The following PCDHA7 variants were observed in gnomAD, a reference collection of about 807,000 sequenced individuals.
The protein encoded by PCDHA7 is protocadherin alpha 7.
Under a neutral mutation model 57.2 loss-of-function variants are expected in PCDHA7, and 37 were observed. The observed-to-expected ratio is 0.65, with a 90% confidence interval of 0.50 to 0.85. The LOEUF is 0.85. PCDHA7 is among the 40% of genes least tolerant of loss of function. PCDHA7 has a pLI of 0.00. For missense variants in PCDHA7, 1,188 were observed against 1,241.8 expected, an observed-to-expected ratio of 0.96 and a Z score of 0.65; for synonymous variants, 553 against 558.8, an observed-to-expected ratio of 0.99 and a Z score of 0.15.
chr5:140,916,979 G>A (rs1280720524), intron 1 of PCDHA7, among the ~76,000 whole-genome samples: 1 of 152,144 alleles, frequency 6.6e-6, no homozygotes, highest in African/African-American at 2.4e-5. Flanking sequence ...TGAGTGATTC[G>A]CCTCTGGCCA....
chr5:140,876,723 C>A (rs782820769), intron 1 of PCDHA7: 15 of 1,614,132 alleles, frequency 9.3e-6, no homozygotes, highest in East Asian at 2.2e-5. Context: ...ACCGCGAGAG[C>A]GTGTCGGCCT....
At chr5:140,927,915 C>T (rs200890211) in intron 1 of PCDHA7, 7 of 1,614,120 alleles carry the variant, frequency 4.3e-6, no homozygotes, top group Admixed American at 3.3e-5. Context: ...CCGAACTGGA[C>T]TTCCTGACTC....
intron 1 of PCDHA7, among the ~76,000 whole-genome samples, chr5:140,845,577 T>C (rs2150380022): frequency 1.3e-5 from 2 of 149,706 alleles, no homozygotes; most frequent in East Asian, 1.9e-4. Context: ...ATTTCTGGGA[T>C]TGAAATGTGT....
chr5:140,999,985 G>T (rs1451778210), intron 3 of PCDHA7, among the ~76,000 whole-genome samples: 1 of 152,022 alleles, frequency 6.6e-6, no homozygotes, highest in African/African-American at 2.4e-5. Context: ...AGCGGCCTCT[G>T]GGTAGTGGTA....
chr5:140,906,669 A>G (rs2153496058), intron 1 of PCDHA7, among the ~76,000 whole-genome samples: 1 of 152,302 alleles, frequency 6.6e-6, no homozygotes. Context: ...GTAGTGACCC[A>G]AACCTTCATT....
chr5:140,990,956 G>T (rs1179435982), intron 3 of PCDHA7, among the ~76,000 whole-genome samples: 1 of 152,136 alleles, frequency 6.6e-6, no homozygotes, highest in Non-Finnish European at 1.5e-5. Context: ...TGTAGAAATA[G>T]TCTCTTAGAA....
chr5:140,884,515 G>GCCTCTGATAAGCACAA, intron 1 of PCDHA7: 1 of 1,614,174 alleles, frequency 6.2e-7, no homozygotes. Flanking sequence ...GGAGTTGGTC[G>GCCTCTGATAAGCACAA]TACTCGCAGC....
intron 1 of PCDHA7, chr5:140,871,073 C>A: frequency 1.2e-6 from 2 of 1,613,208 alleles, no homozygotes; most frequent in Non-Finnish European, 8.5e-7. Context: ...GGTGAGCCGG[C>A]GCTGACGGCC....
In PCDHA7 at chr5:140,928,550, C is replaced by T. The variant is rs781857799; in HGVS notation, c.2356-50399C>T. The T allele has an allele frequency of 3.7e-6, 6 of 1,614,160 alleles. No individual in the cohort carries two copies. Among genetic ancestry groups the T allele is most frequent in the South Asian group, 3.3e-5 (3 of 91,084 alleles). On this transcript the variant is annotated intron_variant, in intron 1 of 3. Transcript: ENST00000525929. ...GTGGTAGATAGGAATGACAATTATC[C>T]GGTTATCTTGTTTCCCTTGCCCAGA...
intron 1 of PCDHA7, chr5:140,843,437 G>A: frequency 6.3e-7 from 1 of 1,596,076 alleles, no homozygotes; most frequent in Non-Finnish European, 8.6e-7. Context: ...CGCCATCTGC[G>A]CGGTATCCAG....
intron 1 of PCDHA7, among the ~76,000 whole-genome samples, chr5:140,897,009 ATAC>A (rs2065839600): frequency 6.6e-6 from 1 of 152,174 alleles, no homozygotes. Flanking sequence ...ATTTTTAAAT[ATAC>A]AACTAAATTA....
intron 1 of PCDHA7, chr5:140,851,368 A>T: frequency 1.0e-6 from 1 of 976,356 alleles, no homozygotes; most frequent in Non-Finnish European, 1.2e-6. Flanking sequence ...TGAACATCTG[A>T]TTGTTCAGCA....
chr5:140,957,763 T>C (rs1375605810), intron 1 of PCDHA7, among the ~76,000 whole-genome samples: 1 of 152,100 alleles, frequency 6.6e-6, no homozygotes, highest in Non-Finnish European at 1.5e-5. Context: ...TCATTATATA[T>C]GTTAAGTAAA....
chr5:140,879,027 G>C (rs2057822967), intron 1 of PCDHA7, among the ~76,000 whole-genome samples: 1 of 152,184 alleles, frequency 6.6e-6, no homozygotes, highest in African/African-American at 2.4e-5. Context: ...TTTTATTGAA[G>C]AGTGTCTTGA....
intron 1 of PCDHA7, chr5:140,866,767 G>C (rs913136809): frequency 1.3e-5 from 2 of 152,154 alleles, no homozygotes; most frequent in East Asian, 1.9e-4. Context: ...CATACAGGCA[G>C]ATTGTATGTC....
intron 1 of PCDHA7, among the ~76,000 whole-genome samples, chr5:140,873,901 T>A (rs2153302941): frequency 6.6e-6 from 1 of 152,352 alleles, no homozygotes; most frequent in South Asian, 2.1e-4. Context: ...CCTCAGGTGA[T>A]CTGCCTGCCT....
chr5:140,939,171 T>C (rs2092330047), intron 1 of PCDHA7, among the ~76,000 whole-genome samples: 1 of 152,170 alleles, frequency 6.6e-6, no homozygotes. Flanking sequence ...TGTCTGGTAA[T>C]GGCCCACTCC....
At chr5:140,947,059 A>G (rs1297447274) in intron 1 of PCDHA7, among the ~76,000 whole-genome samples, 2 of 151,742 alleles carry the variant, frequency 1.3e-5, no homozygotes, top group Admixed American at 1.3e-4. Flanking sequence ...ATCATTACAC[A>G]GTGTATATAT....
intron 1 of PCDHA7, among the ~76,000 whole-genome samples, chr5:140,933,012 A>G (rs1554209160): frequency 6.6e-6 from 1 of 152,008 alleles, no homozygotes; most frequent in Middle Eastern, 3.2e-3. Flanking sequence ...CGGAAATATT[A>G]ACACTTGGCA....
Sources: gnomAD v4.1 joint callset for allele counts (sites outside exome capture counted in the v4.1 genomes callset) on GRCh38, gnomAD v4.1.1 for gene constraint, MANE v1.5 for transcripts, NCBI Gene and HGNC (gene_info 2026-07-23, HGNC 2026-07-21) for gene names.